The following TBC1D1 variants were observed in gnomAD, a reference collection of about 807,000 sequenced individuals.
TBC1D1 encodes the protein TBC1 domain family member 1, also known as TBC1 (tre-2/USP6, BUB2, cdc16) domain family, member 1.
TBC1D1 carries 89 observed loss-of-function variants against 125.6 expected under a neutral mutation model. The observed-to-expected ratio is 0.71, with a 90% confidence interval of 0.60 to 0.85. The LOEUF is 0.85. TBC1D1 is among the 40% of genes least tolerant of loss of function. The pLI, the probability that TBC1D1 is intolerant of heterozygous loss-of-function variation, is 0.00. For missense variants in TBC1D1, 1,377 were observed against 1,469.2 expected (o/e 0.94, Z 1.03); for synonymous variants, 565 against 564.1 (o/e 1.00, Z -0.02).
At chr4:37,930,251 C>T (rs145713244) in intron 2 of TBC1D1, among the ~76,000 whole-genome samples, 71 of 152,274 alleles carry the variant, frequency 4.7e-4, no homozygotes, top group Middle Eastern at 3.4e-3. Context: ...GGAGAAAATA[C>T]ATACTGTATG....
At chr4:38,069,581 C>T (rs888616109) in intron 12 of TBC1D1, among the ~76,000 whole-genome samples, 5 of 152,028 alleles carry the variant, frequency 3.3e-5, no homozygotes, top group East Asian at 1.9e-4. Flanking sequence ...TTTTTCCTCT[C>T]GGTCTCTTTA....
At chr4:38,035,170 C>G (rs1746966801) in intron 7 of TBC1D1, among the ~76,000 whole-genome samples, 1 of 152,158 alleles carries the variant, frequency 6.6e-6, no homozygotes, top group African/African-American at 2.4e-5. Context: ...TGAACACATT[C>G]GACATAGGAA....
At chr4:37,938,518 C>CATTTT (rs528131965) in intron 2 of TBC1D1, among the ~76,000 whole-genome samples, 1 of 152,002 alleles carries the variant, frequency 6.6e-6, no homozygotes, top group Non-Finnish European at 1.5e-5. Context: ...GAATTTTTTT[C>CATTTT]ATTTTATTTT....
intron 6 of TBC1D1, among the ~76,000 whole-genome samples, chr4:38,025,672 G>C (rs1337674846): frequency 6.6e-6 from 1 of 152,192 alleles, no homozygotes; most frequent in East Asian, 1.9e-4. Context: ...TCCAAAATAT[G>C]ATACTTCGGC....
intron 2 of TBC1D1, among the ~76,000 whole-genome samples, chr4:37,944,311 G>A (rs958510689): frequency 9.2e-5 from 14 of 152,144 alleles, no homozygotes; most frequent in Admixed American, 2.6e-4. Flanking sequence ...CAGTCTGTCC[G>A]TTCTCAGATC....
intron 2 of TBC1D1, among the ~76,000 whole-genome samples, chr4:37,904,533 C>T (rs1716886056): frequency 6.6e-6 from 1 of 152,186 alleles, no homozygotes; most frequent in Non-Finnish European, 1.5e-5. Flanking sequence ...CTTTTACGGC[C>T]ATCTGAGAAT....
intron 17 of TBC1D1, among the ~76,000 whole-genome samples, chr4:38,121,274 C>G (rs1763806192): frequency 6.6e-6 from 1 of 152,138 alleles, no homozygotes; most frequent in Admixed American, 6.5e-5. Flanking sequence ...ACAAAGGTGG[C>G]TGGAAAAAGA....
At chr4:37,987,980 A>G (rs1360261220) in intron 2 of TBC1D1, among the ~76,000 whole-genome samples, 3 of 152,240 alleles carry the variant, frequency 2.0e-5, no homozygotes, top group Non-Finnish European at 4.4e-5. Context: ...GGCAGGCAGT[A>G]GCAGGCGTGG....
intron 2 of TBC1D1, among the ~76,000 whole-genome samples, chr4:38,005,285 A>G (rs1195870574): frequency 1.3e-5 from 2 of 152,238 alleles, no homozygotes; most frequent in African/African-American, 4.8e-5. Context: ...ATTTTTCAGT[A>G]GTTGTTGCAG....
chr4:38,132,335 C>T (rs1490102502), intron 18 of TBC1D1, among the ~76,000 whole-genome samples: 1 of 152,156 alleles, frequency 6.6e-6, no homozygotes, highest in Non-Finnish European at 1.5e-5. Flanking sequence ...ATGCCTTGGG[C>T]AGCAGCAGCA....
intron 12 of TBC1D1, among the ~76,000 whole-genome samples, chr4:38,083,016 C>G (rs1387570782): frequency 1.3e-5 from 2 of 152,182 alleles, no homozygotes; most frequent in Non-Finnish European, 2.9e-5. Flanking sequence ...GTGTGCACCT[C>G]TTTCCTCATC....
At position 38,138,635 on chromosome 4, in the gene TBC1D1, AT is replaced by A. The variant is rs1289322115; in HGVS notation, c.*1301del. ...CCAGTCACTGTGTAAAGCCTCTCTG[AT>A]GTGCACTTAAGAGTGGGTTGCTTTC... is the stretch of plus-strand genomic sequence containing the variant. On this transcript the variant is annotated 3_prime_UTR_variant, in exon 20 of 20. Transcript: ENST00000261439. 6.5e-6 allele frequency: 1 copy of A among 152,736 alleles called. No homozygotes were observed. Among genetic ancestry groups the A allele is most frequent in the African/African-American group, 2.4e-5 (1 of 41,562 alleles). 9.5% of individuals were successfully genotyped at this position (152,736 alleles called of 1,614,324 possible). A position where few individuals can be genotyped will look rare whatever the true frequency, so the allele number is the denominator to read the frequency against.
At chr4:37,961,196 A>C (rs1729973284) in intron 2 of TBC1D1, 3 of 790,770 alleles carry the variant, frequency 3.8e-6, no homozygotes. Context: ...CTTCCATACT[A>C]CAGCCCGTAC....
intron 2 of TBC1D1, among the ~76,000 whole-genome samples, chr4:37,946,489 G>A (rs1475435007): frequency 3.3e-5 from 5 of 152,208 alleles, no homozygotes; most frequent in African/African-American, 4.8e-5. Context: ...AACACTAAAA[G>A]GGAAGAAACA....
chr4:38,051,634 TA>T (rs36021986), intron 11 of TBC1D1, among the ~76,000 whole-genome samples: 3,940 of 146,398 alleles, frequency 0.027, 61 homozygotes, highest in Non-Finnish European at 0.042. Flanking sequence ...TGAGACCTAT[TA>T]AAAAAAAAAA....
At chr4:37,976,272 C>A (rs1464572025) in intron 2 of TBC1D1, among the ~76,000 whole-genome samples, 1 of 152,192 alleles carries the variant, frequency 6.6e-6, no homozygotes, top group African/African-American at 2.4e-5. Flanking sequence ...ATCCTTCAGT[C>A]CCAGGCCAGT....
chr4:37,942,921 T>G, intron 2 of TBC1D1, among the ~76,000 whole-genome samples: 1 of 152,210 alleles, frequency 6.6e-6, no homozygotes, highest in Non-Finnish European at 1.5e-5. Flanking sequence ...ATGCAGTTTC[T>G]TCCTAGCATT....
intron 2 of TBC1D1, chr4:37,960,674 C>G (rs1171476216): frequency 6.2e-7 from 1 of 1,614,054 alleles, no homozygotes; most frequent in Non-Finnish European, 8.5e-7. Flanking sequence ...CCAATGGACC[C>G]AGAAAACAAA....
chr4:37,973,244 C>A (rs1384402505), intron 2 of TBC1D1, among the ~76,000 whole-genome samples: 2 of 152,152 alleles, frequency 1.3e-5, no homozygotes, highest in African/African-American at 4.8e-5. Context: ...AAACCTTAGA[C>A]AAATTCTAAC....
Sources: gnomAD v4.1 joint callset for allele counts (sites outside exome capture counted in the v4.1 genomes callset) on GRCh38, gnomAD v4.1.1 for gene constraint, MANE v1.5 for transcripts, NCBI Gene and HGNC (gene_info 2026-07-23, HGNC 2026-07-21) for gene names.